Variants in ARHGEF28 observed in about 807,000 individuals in gnomAD.
ARHGEF28 encodes the protein 190 kDa guanine nucleotide exchange factor.
In ARHGEF28, 152 loss-of-function variants were observed where a neutral mutation model predicts 206.6. That is an observed-to-expected ratio of 0.74 (90% CI 0.64 to 0.84). The LOEUF (loss-of-function observed/expected upper bound fraction) is 0.84. ARHGEF28 is among the 40% of genes least tolerant of loss of function. The pLI is 0.00. For missense variants in ARHGEF28, 2,028 were observed against 2,073.2 expected (o/e 0.98, Z 0.42); for synonymous variants, 763 against 776.4 (o/e 0.98, Z 0.29).
intron 9 of ARHGEF28, among the ~76,000 whole-genome samples, chr5:73,801,446 CA>C (rs1401872398): frequency 6.7e-6 from 1 of 149,662 alleles, no homozygotes; most frequent in Non-Finnish European, 1.5e-5. Context: ...GACTCCATCT[CA>C]AAAAATAAAA....
intron 9 of ARHGEF28, among the ~76,000 whole-genome samples, chr5:73,813,303 A>G (rs1158959086): frequency 6.6e-6 from 1 of 152,172 alleles, no homozygotes; most frequent in East Asian, 1.9e-4. Flanking sequence ...CCTTTTGAAT[A>G]AGTGGACTGC....
intron 1 of ARHGEF28, among the ~76,000 whole-genome samples, chr5:73,667,293 A>G (rs568272209): frequency 6.6e-6 from 1 of 152,148 alleles, no homozygotes; most frequent in South Asian, 2.1e-4. Context: ...TTTTATTTTT[A>G]GTTTACATAC....
intron 18 of ARHGEF28, 24 bp from the exon 19 acceptor site, chr5:73,867,852 T>G (rs748127613): frequency 8.7e-6 from 14 of 1,613,740 alleles, no homozygotes; most frequent in Non-Finnish European, 1.1e-5. Flanking sequence ...GGAAACCACA[T>G]GAAGCATCTG....
At chr5:73,899,842 T>C (rs1423458416) in intron 30 of ARHGEF28, 2 of 152,240 alleles carry the variant, frequency 1.3e-5, no homozygotes, top group Non-Finnish European at 2.9e-5. Context: ...CACCCTGAAA[T>C]TGGATACAGG....
At chr5:73,813,480 C>A (rs1179028406) in intron 9 of ARHGEF28, 12 of 1,488,608 alleles carry the variant, frequency 8.1e-6, no homozygotes, top group African/African-American at 1.4e-5. Flanking sequence ...CATCCAATCT[C>A]ATTCCTTCCC....
intron 1 of ARHGEF28, among the ~76,000 whole-genome samples, chr5:73,684,610 A>T (rs753646513): frequency 3.9e-5 from 6 of 152,206 alleles, no homozygotes; most frequent in African/African-American, 1.4e-4. Flanking sequence ...TTGCTAAGTC[A>T]TATGGTAATT....
chr5:73,933,932 TTC>T (rs1491039507), intron 35 of ARHGEF28, among the ~76,000 whole-genome samples: 5,100 of 151,828 alleles, frequency 0.034, 236 homozygotes, highest in African/African-American at 0.11. Flanking sequence ...TTTTTTTTTT[TTC>T]CCCCTCAGTT....
chr5:73,909,828 CCTGCTGGGCCACTG>C lies in ARHGEF28; in HGVS notation c.4579_4592del (p.Leu1527GlufsTer23). 6.5e-7 allele frequency: 1 copy of C among 1,538,032 alleles called. No homozygotes were observed. The highest frequency in any genetic ancestry group is 2.1e-5 in the Admixed American group (1 of 48,438). Reference sequence around the variant, plus strand: ...AGGCGAGGATGCGGGCCCAGCAGAGCCTGCTGGGCCACTGGAAGCACGGCCGGCAGAGGAGCCTG... The same window carrying C: ...AGGCGAGGATGCGGGCCCAGCAGAGCGAAGCACGGCCGGCAGAGGAGCCTG... On this transcript the variant is annotated frameshift_variant, in exon 34 of 36. Transcript: ENST00000513042. LOFTEE classifies it high-confidence loss of function.
rs35525194 is a variant in ARHGEF28 at position 73,780,649 on chromosome 5, GT to G, written c.841-17del. The G allele has an allele frequency of 0.45, 632,454 of 1,416,106 alleles. 126,830 individuals are homozygous for G. The highest frequency in any genetic ancestry group is 0.46 in the Non-Finnish European group (486,489 of 1,051,666). 87.7% of individuals were successfully genotyped at this position (1,416,106 alleles called of 1,614,324 possible). A position where few individuals can be genotyped will look rare whatever the true frequency, so the allele number is the denominator to read the frequency against. On this transcript the variant is annotated intron_variant, in intron 6 of 35. Coordinates refer to ENST00000513042, the MANE Select transcript of ARHGEF28 (RefSeq NM_001177693.2). ...CTCAAATGGTTTTCTGTGCTTTTTTGTTTTTTTTTTCCCCATTGTTTCCTAG... is the reference window on the plus strand; with the variant it reads ...CTCAAATGGTTTTCTGTGCTTTTTTGTTTTTTTTTCCCCATTGTTTCCTAG...
intron 35 of ARHGEF28, among the ~76,000 whole-genome samples, chr5:73,933,056 CG>C (rs1020635165): frequency 6.6e-6 from 1 of 151,896 alleles, no homozygotes; most frequent in African/African-American, 2.4e-5. Flanking sequence ...GTGATCCGCC[CG>C]TCTCGGCCTC....
chr5:73,637,457 G>A (rs1743798237), intron 1 of ARHGEF28, among the ~76,000 whole-genome samples: 1 of 152,142 alleles, frequency 6.6e-6, no homozygotes, highest in East Asian at 1.9e-4. Flanking sequence ...AAACACACTT[G>A]TGCTTATAAA....
intron 24 of ARHGEF28, among the ~76,000 whole-genome samples, chr5:73,885,436 T>C (rs935788725): frequency 6.6e-6 from 1 of 151,942 alleles, no homozygotes; most frequent in Non-Finnish European, 1.5e-5. Flanking sequence ...AACATTTTTT[T>C]GGTGGGGGGG....
At chr5:73,887,705 T>A in intron 26 of ARHGEF28, 26 bp downstream of exon 26, 2 of 1,513,258 alleles carry the variant, frequency 1.3e-6, no homozygotes, top group Non-Finnish European at 1.8e-6. Flanking sequence ...TGTGATGTAT[T>A]TAAAAAATAG....
At chr5:73,926,436 C>T (rs1002406702) in intron 35 of ARHGEF28, among the ~76,000 whole-genome samples, 1 of 152,300 alleles carries the variant, frequency 6.6e-6, no homozygotes, top group African/African-American at 2.4e-5. Context: ...TCACCTCCTG[C>T]AGTTAAATCT....
chr5:73,883,814 C>T lies in ARHGEF28; in HGVS notation c.2985C>T (p.Cys995=). Residue 995 remains cysteine, a synonymous_variant, in exon 24 of 36, where the codon TGC becomes TGT. Transcript: ENST00000513042. The part of the protein sequence containing the change: ...LLARRRGIPE[C]ILLVTQRITK... ...CTCGACGCCGAGGAATTCCAGAATG[C>T]ATTCTGTTGGTCACTCAGCGTATTA... 6.3e-7 allele frequency: 1 copy of T among 1,576,832 alleles called. No individual in the cohort carries two copies. The highest frequency in any genetic ancestry group is 1.2e-5 in the South Asian group (1 of 84,388).
Position 73,688,486 on chromosome 5 carries a change from G to A in ARHGEF28, c.33+3602G>A, listed in dbSNP as rs139605487. ...TATACCTATAGAAAAATCTATGGAT[G>A]TAAATATTTTCTTAAATTCCCCATG... On this transcript the variant is annotated intron_variant, in intron 2 of 35. Coordinates refer to ENST00000513042, the MANE Select transcript of ARHGEF28 (RefSeq NM_001177693.2). Among the ~76,000 whole-genome samples the A allele has an allele frequency of 6.1e-4, 93 of 152,132 alleles. 1 individual carries two copies. Among genetic ancestry groups the A allele is most frequent in the Admixed American group, 5.4e-3 (83 of 15,294 alleles).
intron 2 of ARHGEF28, among the ~76,000 whole-genome samples, chr5:73,703,606 C>T (rs1748728543): frequency 6.6e-6 from 1 of 151,842 alleles, no homozygotes; most frequent in Non-Finnish European, 1.5e-5. Context: ...AATTCAGTTA[C>T]TTGAAAGGCT....
Position 73,668,265 on chromosome 5 carries a change from C to T in ARHGEF28, c.-11-16576C>T, listed in dbSNP as rs183443526. 3.9e-3 allele frequency among the ~76,000 whole-genome samples: 599 copies of T among 152,254 alleles called. 5 individuals carry two copies. Among genetic ancestry groups the T allele is most frequent in the African/African-American group, 0.014 (563 of 41,544 alleles). On this transcript the variant is annotated intron_variant, in intron 1 of 35. Coordinates refer to ENST00000513042, the MANE Select transcript of ARHGEF28 (RefSeq NM_001177693.2). ...ACCAATTTCCTGTCTTAGTCTGTTTCGTGCTGCTGTAGCAGAATAACACAG... is the reference window on the plus strand; with the variant it reads ...ACCAATTTCCTGTCTTAGTCTGTTTTGTGCTGCTGTAGCAGAATAACACAG...
At chr5:73,668,769 C>CTTCTATTGGAAGCCG (rs1257604262) in intron 1 of ARHGEF28, among the ~76,000 whole-genome samples, 39 of 152,070 alleles carry the variant, frequency 2.6e-4, no homozygotes, top group African/African-American at 8.5e-4. Flanking sequence ...CTTGGAAACC[C>CTTCTATTGGAAGCCG]TTCTAAGTAG....
Sources: allele counts gnomAD v4.1 joint callset (sites outside exome capture counted in the v4.1 genomes callset), GRCh38; gene constraint gnomAD v4.1.1; transcripts MANE v1.5; gene names NCBI Gene and HGNC (gene_info 2026-07-23, HGNC 2026-07-21).